Variants in ABHD14A observed in about 807,000 individuals in gnomAD.
ABHD14A encodes the protein abhydrolase domain containing 14A.
In ABHD14A, 19 loss-of-function variants were observed where a neutral mutation model predicts 27.0. The ratio of observed to expected loss-of-function variants is 0.70; its 90% confidence interval spans 0.49 to 1.03. The LOEUF is 1.03. Ranked by LOEUF, ABHD14A falls within the 50% of genes least tolerant of loss-of-function variation. ABHD14A has a pLI of 0.00. For missense variants in ABHD14A, 311 were observed against 344.6 expected, an observed-to-expected ratio of 0.90 and a Z score of 0.77; for synonymous variants, 148 against 158.8, an observed-to-expected ratio of 0.93 and a Z score of 0.51.
At chr3:51,979,350 G>C (rs1319138742) in intron 3 of ABHD14A, among the ~76,000 whole-genome samples, 1 of 152,032 alleles carries the variant, frequency 6.6e-6, no homozygotes, top group African/African-American at 2.4e-5. Flanking sequence ...AAGCAATATA[G>C]TAGCTAAAGC....
rs1388988899 is a variant in ABHD14A at position 51,980,609 on chromosome 3, A to G, written c.614A>G (p.Glu205Gly). ...APTSTQNYTQ[E>G]QFWAVKTPTL... Reference sequence around the variant, plus strand: ...ACCTCCACCCAGAACTACACCCAGGAGCAATTCTGGGCTGTGAAGGTACTG... The same window carrying G: ...ACCTCCACCCAGAACTACACCCAGGGGCAATTCTGGGCTGTGAAGGTACTG... The change falls in exon 4 of 5, where the codon GAG (glutamate) becomes GGG (glycine). Residue 205 changes from glutamate (E) to glycine (G), a missense_variant. Glu to Gly is a moderately conservative substitution (Grantham distance 98). Transcript: ENST00000273596. The G allele has an allele frequency of 1.2e-6, 2 of 1,613,818 alleles. No individual in the cohort carries two copies. Among genetic ancestry groups the G allele is most frequent in the Non-Finnish European group, 1.7e-6 (2 of 1,179,976 alleles).
At position 51,975,123 on chromosome 3, in the gene ABHD14A, T is replaced by G; in HGVS notation, c.-13T>G. On this transcript the variant is annotated 5_prime_UTR_variant, in exon 1 of 5. Coordinates refer to ENST00000273596, the MANE Select transcript of ABHD14A (RefSeq NM_015407.5). ...CTAGAGCCGGAGCGGCCCGCGGAGC[T>G]GCGGAGGCAGCCATGGTCGGGGCGC... 7.7e-7 allele frequency: 1 copy of G among 1,293,450 alleles called. No homozygotes were observed. 80.1% of individuals were successfully genotyped at this position (1,293,450 alleles called of 1,614,324 possible).
chr3:51,978,369 T>A lies in ABHD14A; in HGVS notation c.392T>A (p.Leu131His). Residue 131 changes from leucine (L) to histidine (H), a missense_variant, in exon 3 of 5, where the codon CTT becomes CAT. Leu to His is a moderately conservative substitution (Grantham distance 99). Transcript: ENST00000273596. ...QRGYRAVALDLPGFGNSAPSK... is the reference protein window; with the variant it reads ...QRGYRAVALDHPGFGNSAPSK... ...GGCTACCGGGCCGTGGCCCTTGACCTTCCAGGTGAGCACCCCCACCCCTTT... is the reference window on the plus strand; with the variant it reads ...GGCTACCGGGCCGTGGCCCTTGACCATCCAGGTGAGCACCCCCACCCCTTT... 1 of 1,550,898 alleles carries A rather than the reference T, an allele frequency of 6.4e-7. No homozygotes were observed. Among genetic ancestry groups the A allele is most frequent in the Non-Finnish European group, 8.7e-7 (1 of 1,146,406 alleles).
chr3:51,979,980 G>A (rs1380327163), intron 3 of ABHD14A, among the ~76,000 whole-genome samples: 1 of 151,480 alleles, frequency 6.6e-6, no homozygotes, highest in East Asian at 2.0e-4. Flanking sequence ...AGAGTGCAGT[G>A]GCATGATCTC....
At chr3:51,980,787 C>A in intron 4 of ABHD14A, 49 bp from the exon 5 acceptor site, 1 of 1,590,644 alleles carries the variant, frequency 6.3e-7, no homozygotes, top group African/African-American at 1.3e-5. Context: ...GCTTGGGGGT[C>A]AGAAACTCAT....
intron 1 of ABHD14A, among the ~76,000 whole-genome samples, chr3:51,975,884 G>A (rs757999226): frequency 2.6e-5 from 4 of 152,238 alleles, no homozygotes; most frequent in African/African-American, 4.8e-5. Context: ...GTATTTGTGC[G>A]TGTGTGCACC....
At chr3:51,975,988 C>T (rs1054111365) in intron 1 of ABHD14A, among the ~76,000 whole-genome samples, 5 of 152,234 alleles carry the variant, frequency 3.3e-5, no homozygotes, top group African/African-American at 9.6e-5. Context: ...GCTGCAGGTC[C>T]ACTACAATTT....
Position 51,980,405 on chromosome 3 carries a change from C to T in ABHD14A, c.410C>T (p.Ser137Leu), listed in dbSNP as rs748035101. Residue 137 changes from serine to leucine, a missense_variant, in exon 4 of 5, where the codon TCG (serine) becomes TTG (leucine). By Grantham distance (145) the Ser-to-Leu change is moderately radical. Coordinates refer to ENST00000273596, the MANE Select transcript of ABHD14A (RefSeq NM_015407.5). Reference protein sequence around the residue: ...VALDLPGFGNSAPSKEASTEA... With the variant: ...VALDLPGFGNLAPSKEASTEA... The stretch of plus-strand genomic sequence containing the variant: ...CTGCTGTTCCTAGGTTTTGGGAACT[C>T]GGCACCTTCAAAGGAGGCAAGCACA... The T allele has an allele frequency of 1.1e-5, 17 of 1,613,862 alleles. No homozygotes were observed. The highest frequency in any genetic ancestry group is 2.2e-5 in the East Asian group (1 of 44,886).
chr3:51,977,760 G>A (rs985483584), intron 1 of ABHD14A, 111 bp from the exon 2 acceptor site: 2 of 1,037,364 alleles, frequency 1.9e-6, no homozygotes, highest in Non-Finnish European at 2.9e-6. Context: ...GAAAGGGCAA[G>A]GGCTGGAGCT....
chr3:51,979,008 A>T, intron 3 of ABHD14A: 1 of 233,562 alleles, frequency 4.3e-6, no homozygotes, highest in Non-Finnish European at 9.2e-6. Flanking sequence ...ATAGAGGATT[A>T]AAAAATACTA....
At position 51,978,275 on chromosome 3, in the gene ABHD14A, C is replaced by T. The variant is rs1414427204; in HGVS notation, c.298C>T (p.Leu100Phe). 1 of 1,551,318 alleles carries T rather than the reference C, an allele frequency of 6.4e-7. No homozygotes were observed. Among genetic ancestry groups the T allele is most frequent in the Non-Finnish European group, 8.7e-7 (1 of 1,146,704 alleles). Residue 100 changes from leucine to phenylalanine, a missense_variant, in exon 3 of 5, where the codon CTT (leucine) becomes TTT (phenylalanine). Leu to Phe is a conservative substitution (Grantham distance 22). Transcript: ENST00000273596. ...TGCCTGCAGGGTGGAGGTGGTGCTG[C>T]TTCATGGAAAGGCCTTTAACTCTCA... ...NQAHRVEVVL[L>F]HGKAFNSHTW...
intron 3 of ABHD14A, chr3:51,978,862 G>A (rs537102315): frequency 1.5e-5 from 4 of 274,010 alleles, no homozygotes; most frequent in Non-Finnish European, 3.1e-5. Context: ...CAAGTGCTGG[G>A]ATTACAGGTG....
intron 1 of ABHD14A, among the ~76,000 whole-genome samples, chr3:51,976,847 A>G (rs1450216044): frequency 6.6e-6 from 1 of 152,084 alleles, no homozygotes; most frequent in Non-Finnish European, 1.5e-5. Context: ...TTTACTGACA[A>G]ACTGAAGACA....
rs1700899997 is a variant in ABHD14A at position 51,981,049 on chromosome 3, T to C, written c.*31T>C. ...CCCACTCCCAGCTCCCAGCCTGGCATGAGCTTGGACAGTCTGGACCGCCAC... is the reference window on the plus strand; with the variant it reads ...CCCACTCCCAGCTCCCAGCCTGGCACGAGCTTGGACAGTCTGGACCGCCAC... On this transcript the variant is annotated 3_prime_UTR_variant, in exon 5 of 5. Coordinates refer to ENST00000273596, the MANE Select transcript of ABHD14A (RefSeq NM_015407.5). 2 of 1,597,394 alleles carry C rather than the reference T, an allele frequency of 1.3e-6. No individual in the cohort carries two copies. Among genetic ancestry groups the C allele is most frequent in the South Asian group, 2.2e-5 (2 of 90,150 alleles).
intron 1 of ABHD14A, 25 bp downstream of exon 1, chr3:51,975,229 C>G (rs1050613292): frequency 8.5e-5 from 106 of 1,250,150 alleles, no homozygotes; most frequent in Non-Finnish European, 1.0e-4. Flanking sequence ...GGAGGGAGGC[C>G]GGCCGGTGGC....
chr3:51,980,709 G>T, intron 4 of ABHD14A, 81 bp downstream of exon 4: 1 of 1,560,122 alleles, frequency 6.4e-7, no homozygotes, highest in Admixed American at 1.7e-5. Context: ...TACTTGGAGG[G>T]ACATGGCCTT....
chr3:51,975,656 G>A (rs897947614), intron 1 of ABHD14A, among the ~76,000 whole-genome samples: 1 of 152,056 alleles, frequency 6.6e-6, no homozygotes, highest in African/African-American at 2.4e-5. Context: ...ACGGTTGTGT[G>A]TATGACCGTG....
chr3:51,976,322 G>T (rs1028072825), intron 1 of ABHD14A, among the ~76,000 whole-genome samples: 1 of 152,234 alleles, frequency 6.6e-6, no homozygotes, highest in African/African-American at 2.4e-5. Flanking sequence ...CCGGAGGGAT[G>T]AATAGGAACC....
At chr3:51,980,026 C>CA (rs1289554275) in intron 3 of ABHD14A, among the ~76,000 whole-genome samples, 5 of 151,462 alleles carry the variant, frequency 3.3e-5, no homozygotes, top group African/African-American at 1.2e-4. Flanking sequence ...GGGTTCATGC[C>CA]ATTCTCCTGC....
Sources: allele counts gnomAD v4.1 joint callset (sites outside exome capture counted in the v4.1 genomes callset), GRCh38; gene constraint gnomAD v4.1.1; transcripts MANE v1.5; gene names NCBI Gene and HGNC (gene_info 2026-07-23, HGNC 2026-07-21).